The following RBFOX1 variants were observed in gnomAD, a reference collection of about 807,000 sequenced individuals.
RBFOX1 encodes the protein RNA binding protein fox-1 homolog 1.
RBFOX1 carries 8 observed loss-of-function variants against 57.7 expected under a neutral mutation model. The observed-to-expected ratio is 0.14, with a 90% CI of 0.08 to 0.25. RBFOX1 has a LOEUF of 0.25. RBFOX1 is among the 10% of genes least tolerant of loss of function. RBFOX1 has a pLI of 1.00. For synonymous variants in RBFOX1, 326 were observed against 222.4 expected (o/e 1.47, Z -4.15); for missense variants, 611 against 548.5 (o/e 1.11, Z -1.14).
chr16:5,929,688 T>A (rs1405205496), intron 4 of RBFOX1, among the ~76,000 whole-genome samples: 3 of 152,260 alleles, frequency 2.0e-5, no homozygotes, highest in Admixed American at 2.0e-4. Flanking sequence ...TTGGTCTGAG[T>A]GATCATCCCT....
chr16:6,662,300 C>G (rs1234882138), intron 3 of RBFOX1, among the ~76,000 whole-genome samples: 1 of 152,050 alleles, frequency 6.6e-6, no homozygotes, highest in Non-Finnish European at 1.5e-5. Context: ...ACACACAAGT[C>G]TGTGAGATGA....
chr16:5,485,823 GAGAT>G (rs1385334253), intron 2 of RBFOX1, among the ~76,000 whole-genome samples: 1 of 152,208 alleles, frequency 6.6e-6, no homozygotes, highest in Non-Finnish European at 1.5e-5. Flanking sequence ...GTTTGGGACT[GAGAT>G]AGAATCTGTA....
At chr16:6,044,681 T>C (rs556622094) in intron 1 of RBFOX1, among the ~76,000 whole-genome samples, 3 of 152,270 alleles carry the variant, frequency 2.0e-5, no homozygotes, top group African/African-American at 7.2e-5. Flanking sequence ...TTTTTGATTG[T>C]GCGGAAACTA....
At chr16:5,924,873 T>C (rs531054232) in intron 4 of RBFOX1, among the ~76,000 whole-genome samples, 6 of 152,254 alleles carry the variant, frequency 3.9e-5, no homozygotes, top group Admixed American at 6.5e-5. Flanking sequence ...GGGAGTAAAG[T>C]CTAACTGTAT....
chr16:6,463,640 C>G (rs189649444), intron 2 of RBFOX1, among the ~76,000 whole-genome samples: 1 of 152,292 alleles, frequency 6.6e-6, no homozygotes, highest in East Asian at 1.9e-4. Flanking sequence ...AATTCAGAAG[C>G]TCAACCAATG....
intron 4 of RBFOX1, among the ~76,000 whole-genome samples, chr16:7,485,767 G>A (rs900088054): frequency 2.0e-5 from 3 of 152,158 alleles, no homozygotes; most frequent in Non-Finnish European, 4.4e-5. Flanking sequence ...TCTCATGTCT[G>A]AATATTACAT....
At chr16:7,271,497 C>T (rs906039460) in intron 4 of RBFOX1, among the ~76,000 whole-genome samples, 2 of 151,768 alleles carry the variant, frequency 1.3e-5, no homozygotes, top group African/African-American at 4.8e-5. Flanking sequence ...CTTGGTTGAT[C>T]TTGTATTAAA....
chr16:6,470,329 G>A (rs141818794), intron 2 of RBFOX1, among the ~76,000 whole-genome samples: 28 of 152,252 alleles, frequency 1.8e-4, no homozygotes, highest in African/African-American at 6.0e-4. Flanking sequence ...ATTCATTTTC[G>A]TAGGTATAAA....
At position 5,332,358 on chromosome 16, in the gene RBFOX1, C is replaced by A. The variant is rs913158964; in HGVS notation, c.219+92253C>A. On this transcript the variant is annotated intron_variant, in intron 1 of 2. Transcript: ENST00000585867. ...TCTCGACTCATTGCAACCTCTGCTT[C>A]CTGGGTTCCAGCATTTTTCTTGCCT... is the stretch of plus-strand genomic sequence containing the variant. 3.1e-4 allele frequency among the ~76,000 whole-genome samples: 47 copies of A among 151,982 alleles called. 1 individual carries two copies. The highest frequency in any genetic ancestry group is 2.9e-5 in the Non-Finnish European group (2 of 67,998).
At chr16:6,199,327 A>T (rs1456660145) in intron 1 of RBFOX1, among the ~76,000 whole-genome samples, 1 of 152,180 alleles carries the variant, frequency 6.6e-6, no homozygotes, top group South Asian at 2.1e-4. Context: ...GATTTCCCCT[A>T]ATAGAATGCC....
intron 1 of RBFOX1, among the ~76,000 whole-genome samples, chr16:6,230,141 A>G (rs567355183): frequency 6.6e-6 from 1 of 152,172 alleles, no homozygotes; most frequent in African/African-American, 2.4e-5. Context: ...CAGAGAGCAA[A>G]TAGCTTTTCC....
chr16:7,416,784 A>C (rs1464333825), intron 4 of RBFOX1, among the ~76,000 whole-genome samples: 1 of 152,174 alleles, frequency 6.6e-6, no homozygotes, highest in Non-Finnish European at 1.5e-5. Context: ...AATGACAATG[A>C]CGATAGTGAG....
At chr16:6,487,559 G>A in intron 2 of RBFOX1, among the ~76,000 whole-genome samples, 1 of 150,678 alleles carries the variant, frequency 6.6e-6, no homozygotes, top group East Asian at 1.9e-4. Context: ...TACCGATAGT[G>A]AAGAATCTGT....
intron 3 of RBFOX1, among the ~76,000 whole-genome samples, chr16:6,780,561 T>TA: frequency 9.2e-6 from 1 of 108,722 alleles, no homozygotes; most frequent in South Asian, 3.1e-4. Flanking sequence ...TATTTACATA[T>TA]TTATATATAT....
chr16:5,968,007 C>G (rs1007757862), intron 4 of RBFOX1, among the ~76,000 whole-genome samples: 1 of 152,102 alleles, frequency 6.6e-6, no homozygotes, highest in Non-Finnish European at 1.5e-5. Flanking sequence ...AGTCTTAGTT[C>G]TACAAATAAC....
In RBFOX1 at chr16:7,347,393, T is replaced by A. The variant is rs189522060; in HGVS notation, c.28-170754T>A. On this transcript the variant is annotated intron_variant, in intron 4 of 15. Coordinates refer to ENST00000550418, the MANE Select transcript of RBFOX1 (RefSeq NM_018723.4). ...AGCTCGTGCAGGGAAACTCTTGTTT[T>A]TAAAATCATCAGGTTTCATGAGACT... 3.8e-4 allele frequency among the ~76,000 whole-genome samples: 58 copies of A among 152,200 alleles called. No homozygotes were observed. The East Asian group carries it at 0.01, about 27-fold the overall frequency.
intron 2 of RBFOX1, among the ~76,000 whole-genome samples, chr16:6,633,631 C>T (rs1009762349): frequency 1.3e-5 from 2 of 152,096 alleles, no homozygotes; most frequent in African/African-American, 4.8e-5. Flanking sequence ...GACTGTTTAA[C>T]TTGGCTAAAG....
At chr16:7,496,610 T>G (rs758447327) in intron 4 of RBFOX1, among the ~76,000 whole-genome samples, 2 of 152,144 alleles carry the variant, frequency 1.3e-5, no homozygotes, top group African/African-American at 2.4e-5. Context: ...GTTCAAGTAC[T>G]TGTCCACATT....
chr16:5,790,463 T>A (rs914886719), intron 3 of RBFOX1, among the ~76,000 whole-genome samples: 6 of 145,420 alleles, frequency 4.1e-5, no homozygotes, highest in South Asian at 4.4e-4. Flanking sequence ...GAAGAAAAAA[T>A]TGCTGCAATA....
Sources: allele counts gnomAD v4.1 joint callset (sites outside exome capture counted in the v4.1 genomes callset), GRCh38; gene constraint gnomAD v4.1.1; transcripts MANE v1.5; gene names NCBI Gene and HGNC (gene_info 2026-07-23, HGNC 2026-07-21).